WDR89: variants seen among roughly 807,000 people sequenced by gnomAD.
WDR89 encodes the protein WD repeat-containing protein 89.
In WDR89, 17 loss-of-function variants were observed where a neutral mutation model predicts 29.1. That is an observed-to-expected ratio of 0.58 (90% CI 0.40 to 0.88). The LOEUF (loss-of-function observed/expected upper bound fraction) is 0.88, where lower values mean the gene tolerates loss of function less well. Ranked by LOEUF, WDR89 falls within the 40% of genes least tolerant of loss-of-function variation. WDR89 has a pLI of 0.00. For synonymous variants in WDR89, 138 were observed against 157.8 expected, an observed-to-expected ratio of 0.87 and a Z score of 0.94; for missense variants, 396 against 456.3, an observed-to-expected ratio of 0.87 and a Z score of 1.20.
chr14:63,608,665 T>A (rs1311760883), intron 2 of WDR89, among the ~76,000 whole-genome samples: 3 of 124,126 alleles, frequency 2.4e-5, no homozygotes, highest in South Asian at 5.0e-4. Flanking sequence ...GTGTGGTGCA[T>A]GCACACACAC....
intron 2 of WDR89, among the ~76,000 whole-genome samples, chr14:63,604,086 CT>C (rs904104736): frequency 6.6e-6 from 1 of 152,214 alleles, no homozygotes; most frequent in African/African-American, 2.4e-5. Flanking sequence ...GAAAAAGCCC[CT>C]GTCATTTCCT....
In WDR89 at chr14:63,599,195, C is replaced by G. The variant is rs1189023699; in HGVS notation, c.748G>C (p.Asp250His). The change falls in exon 3 of 3, where the codon GAC becomes CAC. Residue 250 changes from aspartate (D) to histidine (H), a missense_variant. Asp to His is a moderately conservative substitution (Grantham distance 81). Coordinates refer to ENST00000620954, the MANE Select transcript of WDR89 (RefSeq NM_080666.4). ...GFYWWDLNHL[D>H]TDEPVTRLNI... ...AAACGTGTAACTGGTTCATCAGTGT[C>G]CAGATGATTAAGATCCCACCAATAA... 1 of 1,607,972 alleles carries G rather than the reference C, an allele frequency of 6.2e-7. No homozygotes were observed. Among genetic ancestry groups the G allele is most frequent in the South Asian group, 1.1e-5 (1 of 90,284 alleles).
chr14:63,628,399 TTCA>T (rs1190341030), intron 1 of WDR89, among the ~76,000 whole-genome samples: 1 of 152,224 alleles, frequency 6.6e-6, no homozygotes, highest in African/African-American at 2.4e-5. Flanking sequence ...GCAACATTCA[TTCA>T]TCATTTCAAC....
At chr14:63,635,081 G>C (rs1883645881) in intron 1 of WDR89, among the ~76,000 whole-genome samples, 1 of 151,216 alleles carries the variant, frequency 6.6e-6, no homozygotes, top group South Asian at 2.1e-4. Context: ...CAATCCTTTT[G>C]ACACTATTCC....
chr14:63,599,766 C>G lies in WDR89; in HGVS notation c.177G>C (p.Arg59Ser). 3 of 1,610,722 alleles carry G rather than the reference C, an allele frequency of 1.9e-6. No individual in the cohort carries two copies. The highest frequency in any genetic ancestry group is 2.5e-6 in the Non-Finnish European group (3 of 1,178,852). Residue 59 changes from arginine to serine, a missense_variant, in exon 3 of 3, where the codon AGG becomes AGC. By Grantham distance (110) the Arg-to-Ser change is moderately radical (BLOSUM62 -1). Transcript: ENST00000620954. ...CACTAAATTCTCGTAGTACATTTAA[C>G]CTTTCTTTATCATATATTCTGATTG... ...NGSIRIYDKE[R>S]LNVLREFSGY...
intron 2 of WDR89, among the ~76,000 whole-genome samples, chr14:63,600,887 A>T (rs908348964): frequency 6.6e-6 from 1 of 152,132 alleles, no homozygotes; most frequent in Non-Finnish European, 1.5e-5. Context: ...AAATAGGGAG[A>T]TTATCCTAGA....
At chr14:63,614,959 A>G (rs1308009046) in intron 2 of WDR89, among the ~76,000 whole-genome samples, 1 of 152,228 alleles carries the variant, frequency 6.6e-6, no homozygotes, top group Non-Finnish European at 1.5e-5. Flanking sequence ...TTGCAGCAAC[A>G]TATGGCATCC....
chr14:63,637,496 A>G (rs1195131270), intron 1 of WDR89, among the ~76,000 whole-genome samples: 2 of 152,242 alleles, frequency 1.3e-5, no homozygotes, highest in African/African-American at 4.8e-5. Context: ...CAACTGCATA[A>G]TCGTGGAACC....
chr14:63,631,670 G>A (rs2139568299), intron 1 of WDR89, among the ~76,000 whole-genome samples: 1 of 152,070 alleles, frequency 6.6e-6, no homozygotes, highest in South Asian at 2.1e-4. Flanking sequence ...TTACAAATGT[G>A]AGCCACCACA....
At chr14:63,618,602 GA>G (rs781667420) in intron 2 of WDR89, among the ~76,000 whole-genome samples, 38 of 151,898 alleles carry the variant, frequency 2.5e-4, no homozygotes, top group Admixed American at 1.8e-3. Flanking sequence ...AGAAGAAAGA[GA>G]AAGAATGAAA....
At chr14:63,639,790 AAAG>A (rs1883984348) in intron 1 of WDR89, among the ~76,000 whole-genome samples, 1 of 152,238 alleles carries the variant, frequency 6.6e-6, no homozygotes, top group African/African-American at 2.4e-5. Context: ...AGTTGCAGAA[AAAG>A]TAGTCATGAC....
At chr14:63,633,651 A>G (rs1386981927) in intron 1 of WDR89, among the ~76,000 whole-genome samples, 1 of 152,230 alleles carries the variant, frequency 6.6e-6, no homozygotes, top group Non-Finnish European at 1.5e-5. Flanking sequence ...TCATGTAAAG[A>G]TATAGCAGAA....
chr14:63,628,683 G>C (rs1883216701), intron 1 of WDR89, among the ~76,000 whole-genome samples: 1 of 152,208 alleles, frequency 6.6e-6, no homozygotes, highest in African/African-American at 2.4e-5. Flanking sequence ...AAGGCCACTG[G>C]CCGGGTGCGG....
intron 1 of WDR89, among the ~76,000 whole-genome samples, chr14:63,627,982 G>A (rs185869784): frequency 6.6e-6 from 1 of 152,104 alleles, no homozygotes; most frequent in Non-Finnish European, 1.5e-5. Context: ...ACGCCTGTAA[G>A]CCCAGCACCT....
chr14:63,603,602 T>C (rs2139494272), intron 2 of WDR89, among the ~76,000 whole-genome samples: 1 of 152,268 alleles, frequency 6.6e-6, no homozygotes, highest in Non-Finnish European at 1.5e-5. Context: ...AAATCACAAT[T>C]CTTAAAAACT....
Position 63,610,559 on chromosome 14 carries a change from T to C in WDR89, c.-31-10586A>G, listed in dbSNP as rs115243303. ...TGATCAAGGGTAACATCATCAGCAA[T>C]ATGTCATGTTCCTATCATGAACCCC... On this transcript the variant is annotated intron_variant, in intron 2 of 2. Transcript: ENST00000620954. Among the ~76,000 whole-genome samples, 1,163 of 152,150 alleles carry C rather than the reference T, an allele frequency of 7.6e-3. 11 individuals carry two copies. The highest frequency in any genetic ancestry group is 0.027 in the African/African-American group (1,112 of 41,488).
rs547137582 is a variant in WDR89 at position 63,610,284 on chromosome 14, G to A, written c.-31-10311C>T. The stretch of plus-strand genomic sequence containing the variant: ...TCCAAAGAATAAAATAAATATCCAT[G>A]AGTCCATACTGATAAAAATGAATCA... On this transcript the variant is annotated intron_variant, in intron 2 of 2. Coordinates refer to ENST00000620954, the MANE Select transcript of WDR89 (RefSeq NM_080666.4). 7.2e-4 allele frequency among the ~76,000 whole-genome samples: 105 copies of A among 145,056 alleles called. 1 individual carries two copies. The highest frequency in any genetic ancestry group is 2.6e-3 in the African/African-American group (100 of 38,684).
chr14:63,634,185 G>A (rs535400515), intron 1 of WDR89, among the ~76,000 whole-genome samples: 4 of 152,230 alleles, frequency 2.6e-5, no homozygotes, highest in African/African-American at 7.2e-5. Flanking sequence ...CCAGGAGTTC[G>A]AGACCAGCTT....
chr14:63,603,954 G>A (rs1895197348), intron 2 of WDR89, among the ~76,000 whole-genome samples: 1 of 152,200 alleles, frequency 6.6e-6, no homozygotes, highest in Non-Finnish European at 1.5e-5. Context: ...CAGGACTGCA[G>A]CAACAGCTGT....
Sources: gnomAD v4.1 joint callset for allele counts (sites outside exome capture counted in the v4.1 genomes callset) on GRCh38, gnomAD v4.1.1 for gene constraint, MANE v1.5 for transcripts, NCBI Gene and HGNC (gene_info 2026-07-23, HGNC 2026-07-21) for gene names.